ADAMTS20: variants seen among roughly 807,000 people sequenced by gnomAD.
ADAMTS20 encodes ADAM metallopeptidase with thrombospondin type 1 motif 20, also known as A disintegrin and metalloproteinase with thrombospondin motifs 20.
In ADAMTS20, 225 loss-of-function variants were observed where a neutral mutation model predicts 260.1. The observed-to-expected ratio is 0.87, with a 90% CI of 0.78 to 0.97. The LOEUF (loss-of-function observed/expected upper bound fraction) is 0.97. Among genes scored for constraint, ADAMTS20 ranks in the 50% least tolerant of loss-of-function variants. ADAMTS20 has a pLI of 0.00. For synonymous variants in ADAMTS20, 802 were observed against 769.5 expected, an observed-to-expected ratio of 1.04 and a Z score of -0.70; for missense variants, 2,400 against 2,337.7, an observed-to-expected ratio of 1.03 and a Z score of -0.55.
chr12:43,523,370 C>G (rs994674369), intron 3 of ADAMTS20, among the ~76,000 whole-genome samples: 1 of 152,026 alleles, frequency 6.6e-6, no homozygotes, highest in Non-Finnish European at 1.5e-5. Context: ...CCAATTAACT[C>G]AGGTAGTGGT....
Position 43,428,428 on chromosome 12 carries a change from A to T in ADAMTS20, c.3758T>A (p.Leu1253Ter), listed in dbSNP as rs1381610180. The T allele has an allele frequency of 6.2e-7, 1 of 1,613,964 alleles. No homozygotes were observed. Among genetic ancestry groups the T allele is most frequent in the Non-Finnish European group, 8.5e-7 (1 of 1,179,876 alleles). ...TGCCAGGCTACATTCCTGTTCCATC[A>T]AAGGGCGAACTTCAGGATCACAGTA... is the stretch of plus-strand genomic sequence containing the variant. Reference protein sequence around the residue: ...ENYCDPEVRPLMEQECSLAAC... With the variant: ...ENYCDPEVRP Residue 1253 changes from leucine to a stop codon, truncating the protein, a stop_gained, in exon 26 of 39, where the codon TTG (leucine) becomes TAG (stop). Transcript: ENST00000389420. LOFTEE classifies it high-confidence loss of function.
At chr12:43,393,893 G>A (rs913099207) in intron 29 of ADAMTS20, among the ~76,000 whole-genome samples, 9 of 152,136 alleles carry the variant, frequency 5.9e-5, no homozygotes, top group South Asian at 4.1e-4. Context: ...TATGTTCACC[G>A]TATTGTGAAA....
At chr12:43,386,814 G>A (rs749660616) in intron 29 of ADAMTS20, among the ~76,000 whole-genome samples, 2 of 152,212 alleles carry the variant, frequency 1.3e-5, no homozygotes, top group Non-Finnish European at 2.9e-5. Flanking sequence ...CGAAGTTCTC[G>A]TGCTGTGTTT....
chr12:43,501,053 T>C (rs965529262), intron 4 of ADAMTS20, among the ~76,000 whole-genome samples: 3 of 104,936 alleles, frequency 2.9e-5, no homozygotes, highest in African/African-American at 1.3e-4. Flanking sequence ...GGCTATGTAA[T>C]TCTTTTTTTT....
intron 29 of ADAMTS20, 51 bp from the exon 30 acceptor site, chr12:43,384,028 A>T: frequency 1.3e-6 from 2 of 1,508,512 alleles, no homozygotes; most frequent in East Asian, 4.7e-5. Flanking sequence ...ATACCAAATT[A>T]TATAAAAGTA....
chr12:43,439,570 T>G, intron 18 of ADAMTS20, 52 bp downstream of exon 18: 10 of 1,558,936 alleles, frequency 6.4e-6, no homozygotes, highest in Non-Finnish European at 7.8e-6. Flanking sequence ...GTACCCAAAA[T>G]GATGCCAGAA....
chr12:43,447,331 G>C (rs943122600), intron 14 of ADAMTS20, among the ~76,000 whole-genome samples: 1 of 152,052 alleles, frequency 6.6e-6, no homozygotes, highest in African/African-American at 2.4e-5. Flanking sequence ...TGCAAATTTG[G>C]TTCAACATAT....
intron 9 of ADAMTS20, 57 bp downstream of exon 9, chr12:43,466,595 C>G (rs74913159): frequency 1.0e-4 from 156 of 1,509,790 alleles, no homozygotes; most frequent in Non-Finnish European, 1.4e-4. Context: ...TTAAAAATAT[C>G]AATTTCAAAT....
intron 28 of ADAMTS20, among the ~76,000 whole-genome samples, chr12:43,403,723 G>T (rs1042775756): frequency 6.6e-6 from 1 of 151,866 alleles, no homozygotes; most frequent in African/African-American, 2.4e-5. Flanking sequence ...AATCAATAAA[G>T]AACTAAAAAG....
chr12:43,373,837 G>A (rs1388330340), intron 36 of ADAMTS20, among the ~76,000 whole-genome samples: 1 of 150,886 alleles, frequency 6.6e-6, no homozygotes, highest in Admixed American at 6.6e-5. Flanking sequence ...CCGCCACTAC[G>A]CCCGGCTAAT....
intron 37 of ADAMTS20, among the ~76,000 whole-genome samples, chr12:43,359,627 T>A (rs537824497): frequency 6.6e-6 from 1 of 152,282 alleles, no homozygotes; most frequent in South Asian, 2.1e-4. Flanking sequence ...TCAAGACGTA[T>A]GGTGTTGGTG....
intron 8 of ADAMTS20, among the ~76,000 whole-genome samples, chr12:43,467,179 T>C (rs1410093527): frequency 6.6e-6 from 1 of 152,042 alleles, no homozygotes; most frequent in African/African-American, 2.4e-5. Flanking sequence ...TCTAGACCAT[T>C]GACTATGGCT....
Position 43,455,163 on chromosome 12 carries a change from G to A in ADAMTS20, c.1615-1111C>T, listed in dbSNP as rs533832298. Among the ~76,000 whole-genome samples, 24 of 152,270 alleles carry A rather than the reference G, an allele frequency of 1.6e-4. No individual in the cohort carries two copies. The South Asian group carries it at 4.8e-3, about 30-fold the overall frequency. ...AATCATATAGTACTAGTCTTCATGT[G>A]ACTGGCTTATTTCACTTAGCATAAT... On this transcript the variant is annotated intron_variant, in intron 11 of 38. Transcript: ENST00000389420.
intron 29 of ADAMTS20, among the ~76,000 whole-genome samples, chr12:43,388,461 T>G (rs1302950607): frequency 6.6e-6 from 1 of 152,242 alleles, no homozygotes; most frequent in Non-Finnish European, 1.5e-5. Flanking sequence ...ACAGGAACTG[T>G]TCCTATTTGG....
rs562077423 is a variant in ADAMTS20, at chr12:43,369,704, T to C, written c.5447-323A>G. Among the ~76,000 whole-genome samples the C allele has an allele frequency of 2.5e-4, 38 of 152,048 alleles. 1 individual carries two copies. In the South Asian group the frequency reaches 7.5e-3, roughly 30 times the overall value. Reference sequence around the variant, plus strand: ...AATATCTGAAATAGGTAAAGTGGGGTCAGGAGCAAAATCACTGGAGAAAAA... The same window carrying C: ...AATATCTGAAATAGGTAAAGTGGGGCCAGGAGCAAAATCACTGGAGAAAAA... On this transcript the variant is annotated intron_variant, in intron 36 of 38. Transcript: ENST00000389420.
intron 3 of ADAMTS20, among the ~76,000 whole-genome samples, chr12:43,530,357 G>A (rs1334925091): frequency 6.6e-6 from 1 of 152,138 alleles, no homozygotes; most frequent in Non-Finnish European, 1.5e-5. Context: ...GCTGCCTTCT[G>A]TAGAATTCTA....
At chr12:43,505,509 A>G (rs1470590934) in intron 3 of ADAMTS20, among the ~76,000 whole-genome samples, 1 of 152,220 alleles carries the variant, frequency 6.6e-6, no homozygotes, top group African/African-American at 2.4e-5. Flanking sequence ...ACATTATACA[A>G]ATTATCAACA....
intron 32 of ADAMTS20, 38 bp downstream of exon 32, chr12:43,377,327 T>C: frequency 6.5e-7 from 1 of 1,540,974 alleles, no homozygotes; most frequent in South Asian, 1.2e-5. Context: ...CTAGAAAGTC[T>C]TATTCAGAAG....
chr12:43,439,942 T>C lies in ADAMTS20; in HGVS notation c.2418A>G (p.Glu806=). The change falls in exon 17 of 39, where the codon GAA becomes GAG. Residue 806 remains glutamate (E), a synonymous_variant. Coordinates refer to ENST00000389420, the MANE Select transcript of ADAMTS20 (RefSeq NM_025003.5). ...CTTGTCGATTAGTACTATTAATTCTTTCAACTGCGTTATTTGATCCACTGT... is the reference window on the plus strand; with the variant it reads ...CTTGTCGATTAGTACTATTAATTCTCTCAACTGCGTTATTTGATCCACTGT... ...IEYSGSNNAV[E]RINSTNRQEK... 6.2e-7 allele frequency: 1 copy of C among 1,605,258 alleles called. No individual in the cohort carries two copies. Among genetic ancestry groups the C allele is most frequent in the Non-Finnish European group, 8.5e-7 (1 of 1,174,888 alleles).
Sources: gnomAD v4.1 joint callset for allele counts (sites outside exome capture counted in the v4.1 genomes callset) on GRCh38, gnomAD v4.1.1 for gene constraint, MANE v1.5 for transcripts, NCBI Gene and HGNC (gene_info 2026-07-23, HGNC 2026-07-21) for gene names.